The following UNC5C variants were observed in gnomAD, a reference collection of about 807,000 sequenced individuals.
The protein encoded by UNC5C is unc-5 netrin receptor C, also known as netrin receptor UNC5C.
In UNC5C, 47 loss-of-function variants were observed where a neutral mutation model predicts 99.8. That is an observed-to-expected ratio of 0.47 (90% CI 0.37 to 0.60). The LOEUF (loss-of-function observed/expected upper bound fraction) is 0.60. Among genes scored for constraint, UNC5C ranks in the 20% least tolerant of loss-of-function variants. UNC5C has a pLI of 0.00. For missense variants in UNC5C, 1,062 were observed against 1,165.9 expected (o/e 0.91, Z 1.30); for synonymous variants, 487 against 452.2 (o/e 1.08, Z -0.98).
intron 1 of UNC5C, among the ~76,000 whole-genome samples, chr4:95,434,434 C>T (rs764556239): frequency 6.6e-5 from 10 of 151,948 alleles, no homozygotes; most frequent in Admixed American, 2.0e-4. Context: ...GTTCTGGAAA[C>T]GCAAGAAGGG....
At position 95,166,357 on chromosome 4, in the gene UNC5C, T is replaced by C. The variant is rs1442627542; in HGVS notation, c.*2877A>G. The C allele has an allele frequency of 6.6e-6, 1 of 152,190 alleles. No individual in the cohort carries two copies. Among genetic ancestry groups the C allele is most frequent in the Non-Finnish European group, 1.5e-5 (1 of 68,038 alleles). 9.4% of individuals were successfully genotyped at this position (152,190 alleles called of 1,614,324 possible). On this transcript the variant is annotated 3_prime_UTR_variant, in exon 16 of 16. Transcript: ENST00000453304. ...AGTGAAAATTATTTGGTATAAATAG[T>C]GTATGTATGGAAGTTGTCATTCACT... is the stretch of plus-strand genomic sequence containing the variant.
chr4:95,246,003 C>T (rs539930328), intron 5 of UNC5C, among the ~76,000 whole-genome samples: 1 of 152,250 alleles, frequency 6.6e-6, no homozygotes, highest in East Asian at 1.9e-4. Flanking sequence ...AGTGTATTAG[C>T]CATTCAAGTA....
intron 1 of UNC5C, among the ~76,000 whole-genome samples, chr4:95,370,280 T>C (rs1326786563): frequency 1.3e-5 from 2 of 152,178 alleles, no homozygotes; most frequent in Non-Finnish European, 2.9e-5. Flanking sequence ...TATAATTATA[T>C]TACTAAGATT....
intron 12 of UNC5C, among the ~76,000 whole-genome samples, chr4:95,197,088 A>G (rs1178825117): frequency 8.1e-6 from 1 of 123,018 alleles, no homozygotes; most frequent in Non-Finnish European, 1.6e-5. Flanking sequence ...TTTATGTAAT[A>G]TATAATATTT....
chr4:95,180,376 T>G (rs1053501009), intron 14 of UNC5C, among the ~76,000 whole-genome samples: 2 of 152,220 alleles, frequency 1.3e-5, no homozygotes, highest in Admixed American at 1.3e-4. Flanking sequence ...TTCTTTTCTT[T>G]TGGAGATAAT....
chr4:95,234,616 T>C (rs1484236647), intron 7 of UNC5C, among the ~76,000 whole-genome samples: 2 of 152,212 alleles, frequency 1.3e-5, no homozygotes, highest in Non-Finnish European at 2.9e-5. Flanking sequence ...AAGTTATTTC[T>C]GGCACCTTAA....
At chr4:95,309,755 C>T (rs1742209161) in intron 2 of UNC5C, among the ~76,000 whole-genome samples, 1 of 152,044 alleles carries the variant, frequency 6.6e-6, no homozygotes, top group Non-Finnish European at 1.5e-5. Flanking sequence ...AGAATGGCTA[C>T]TATCAAAAAG....
chr4:95,492,575 A>C (rs2149481804), intron 1 of UNC5C, among the ~76,000 whole-genome samples: 1 of 151,448 alleles, frequency 6.6e-6, no homozygotes, highest in Non-Finnish European at 1.5e-5. Flanking sequence ...GCTGTGTTTA[A>C]GATTTAAAAG....
intron 11 of UNC5C, among the ~76,000 whole-genome samples, chr4:95,206,419 C>G (rs935796682): frequency 6.6e-6 from 1 of 152,068 alleles, no homozygotes; most frequent in African/African-American, 2.4e-5. Context: ...TATGAGTTAT[C>G]TAATGAGTGA....
chr4:95,370,350 ATTATAT>A (rs547528617), intron 1 of UNC5C, among the ~76,000 whole-genome samples: 429 of 152,180 alleles, frequency 2.8e-3, no homozygotes, highest in African/African-American at 9.9e-3. Context: ...ATGTGGTCAT[ATTATAT>A]TTATATTATA....
At chr4:95,301,419 T>C (rs1201745499) in intron 3 of UNC5C, among the ~76,000 whole-genome samples, 187 bp downstream of exon 3, 1 of 152,008 alleles carries the variant, frequency 6.6e-6, no homozygotes, top group Non-Finnish European at 1.5e-5. Flanking sequence ...ATGGTCTCGA[T>C]CTCCTGACCT....
intron 3 of UNC5C, among the ~76,000 whole-genome samples, chr4:95,280,464 G>T (rs1480151675): frequency 1.3e-5 from 2 of 152,148 alleles, no homozygotes; most frequent in African/African-American, 4.8e-5. Context: ...CAAGGCAGGT[G>T]AATCACCTGA....
In UNC5C at chr4:95,351,323, G is replaced by C. The variant is rs552132714; in HGVS notation, c.125-15692C>G. 3.6e-5 allele frequency among the ~76,000 whole-genome samples: 4 copies of C among 110,510 alleles called. No individual in the cohort carries two copies. The South Asian group carries it at 1.7e-3, about 48-fold the overall frequency. 72.5% of individuals were successfully genotyped at this position (110,510 alleles called of 152,430 possible). A position where few individuals can be genotyped will look rare whatever the true frequency, so the allele number is the denominator to read the frequency against. Reference sequence around the variant, plus strand: ...GGGTCAGGCAGTAAACCTGACTTTAGGGTTAGGCTTTTTTTTTTTTTAATT... The same window carrying C: ...GGGTCAGGCAGTAAACCTGACTTTACGGTTAGGCTTTTTTTTTTTTTAATT... On this transcript the variant is annotated intron_variant, in intron 1 of 15. Transcript: ENST00000453304.
At chr4:95,466,503 C>A (rs571395227) in intron 1 of UNC5C, among the ~76,000 whole-genome samples, 1 of 152,148 alleles carries the variant, frequency 6.6e-6, no homozygotes, top group East Asian at 1.9e-4. Context: ...CCCTGTTTAA[C>A]ATTATTAGAA....
intron 1 of UNC5C, among the ~76,000 whole-genome samples, chr4:95,363,880 G>C (rs1448831588): frequency 6.6e-6 from 1 of 152,126 alleles, no homozygotes. Context: ...GGGGCAATTG[G>C]CCTACCATAC....
Position 95,301,741 on chromosome 4 carries a change from C to A in UNC5C, c.355G>T (p.Val119Phe). The change falls in exon 3 of 16, where the codon GTC (valine) becomes TTC (phenylalanine). Residue 119 changes from valine to phenylalanine, a missense_variant. This residue lies in a region of UNC5C where 249 missense variants were observed against 295.1 expected (regional missense o/e 0.84). Coordinates refer to ENST00000453304, the MANE Select transcript of UNC5C (RefSeq NM_003728.4). ...ERVDETSGLI[V>F]REVSIEISRQ... ...GAAATCTCAATGCTCACTTCCCGGA[C>A]AATGAGACCTGACAAGAGAAAAAGA... 1.9e-6 allele frequency: 3 copies of A among 1,612,694 alleles called. No homozygotes were observed. The highest frequency in any genetic ancestry group is 2.5e-6 in the Non-Finnish European group (3 of 1,179,978).
At position 95,166,046 on chromosome 4, in the gene UNC5C, C is replaced by T. The variant is rs1204701642; in HGVS notation, c.*3188G>A. ...TTGTCATAAAGGTCCTTGAACTCTA[C>T]AGGTTTTCATTCCCTTCGTCAAACA... is the stretch of plus-strand genomic sequence containing the variant. On this transcript the variant is annotated 3_prime_UTR_variant, in exon 16 of 16. Transcript: ENST00000453304. 2 of 152,170 alleles carry T rather than the reference C, an allele frequency of 1.3e-5. No individual in the cohort carries two copies. The highest frequency in any genetic ancestry group is 6.5e-5 in the Admixed American group (1 of 15,268). 9.4% of individuals were successfully genotyped at this position (152,170 alleles called of 1,614,324 possible).
chr4:95,247,377 A>G (rs1358532807), intron 5 of UNC5C, among the ~76,000 whole-genome samples: 1 of 152,120 alleles, frequency 6.6e-6, no homozygotes, highest in Non-Finnish European at 1.5e-5. Flanking sequence ...TGAGTGTTCC[A>G]AAAAGCAACT....
intron 1 of UNC5C, among the ~76,000 whole-genome samples, chr4:95,525,694 A>T (rs1386552192): frequency 1.3e-5 from 2 of 149,468 alleles, no homozygotes; most frequent in African/African-American, 4.9e-5. Context: ...AACTTTACAG[A>T]AAGTTACTGT....
Sources: gnomAD v4.1 joint callset for allele counts (sites outside exome capture counted in the v4.1 genomes callset) on GRCh38, gnomAD v4.1.1 for gene constraint, gnomAD v4.1.1 regional missense constraint, MANE v1.5 for transcripts, NCBI Gene and HGNC (gene_info 2026-07-23, HGNC 2026-07-21) for gene names.